ZNF398: variants seen among roughly 807,000 people sequenced by gnomAD.
ZNF398 encodes zinc finger DNA binding protein ZER6.
ZNF398 carries 18 observed loss-of-function variants against 41.9 expected under a neutral mutation model. That is an observed-to-expected ratio of 0.43 (90% CI 0.30 to 0.64). The LOEUF is 0.64. Ranked by LOEUF, ZNF398 falls within the 30% of genes least tolerant of loss-of-function variation. The probability of loss-of-function intolerance (pLI) is 0.14; values close to 1 mark genes in which losing one functional copy is unlikely to be tolerated. For missense variants in ZNF398, 669 were observed against 822.8 expected, an observed-to-expected ratio of 0.81 and a Z score of 2.29; for synonymous variants, 260 against 308.8, an observed-to-expected ratio of 0.84 and a Z score of 1.66.
At chr7:149,163,562 C>T (rs545382039) in intron 2 of ZNF398, among the ~76,000 whole-genome samples, 5 of 151,954 alleles carry the variant, frequency 3.3e-5, no homozygotes, top group African/African-American at 7.3e-5. Flanking sequence ...TTAGTAGAGA[C>T]GGGGTTTCTC....
chr7:149,145,348 T>A (rs1404328974), upstream of ZNF398, among the ~76,000 whole-genome samples: 1 of 152,146 alleles, frequency 6.6e-6, no homozygotes, highest in Admixed American at 6.5e-5. Context: ...AGAAATATAG[T>A]TATAATTAAG....
chr7:149,179,133 A>T lies in ZNF398; in HGVS notation c.1261A>T (p.Asn421Tyr). ...ACTTACCTACCATCTTCGGGTCCAT[A>T]ACAGCACTGAGCGTCCTTTCCCCTG... ...SRLTYHLRVH[N>Y]STERPFPCPD... is the part of the protein sequence containing the mutation. The change falls in exon 6 of 6, where the codon AAC becomes TAC. Residue 421 changes from asparagine to tyrosine, a missense_variant. Asn to Tyr is a moderately radical substitution (Grantham distance 143). Around this residue, in one of 3 missense-constraint regions of ZNF398, gnomAD observed 290 missense variants for 292.9 expected, o/e 0.99. Coordinates refer to ENST00000475153, the MANE Select transcript of ZNF398 (RefSeq NM_170686.3). This position sits in a 1 kb window ranked among gnomAD's most constrained non-coding sequence, Gnocchi z 6.1. 2 of 1,613,936 alleles carry T rather than the reference A, an allele frequency of 1.2e-6. No homozygotes were observed. The highest frequency in any genetic ancestry group is 1.7e-6 in the Non-Finnish European group (2 of 1,180,000).
rs1349158297 is a variant in ZNF398 at position 149,179,068 on chromosome 7, C to T, written c.1196C>T (p.Thr399Ile). Reference protein sequence around the residue: ...SQDHASETPPTCPHCARTFTH... With the variant: ...SQDHASETPPICPHCARTFTH... The stretch of plus-strand genomic sequence containing the variant: ...GACCATGCCAGCGAGACACCCCCCA[C>T]CTGCCCACACTGTGCCAGGACTTTT... The change falls in exon 6 of 6, where the codon ACC becomes ATC. Residue 399 changes from threonine (T) to isoleucine (I), a missense_variant. Thr to Ile is a moderately conservative substitution (Grantham distance 89, BLOSUM62 -1). Coordinates refer to ENST00000475153, the MANE Select transcript of ZNF398 (RefSeq NM_170686.3). This position sits in a 1 kb window ranked among gnomAD's most constrained non-coding sequence, Gnocchi z 6.1. The T allele has an allele frequency of 1.9e-6, 3 of 1,613,974 alleles. No individual in the cohort carries two copies. Among genetic ancestry groups the T allele is most frequent in the East Asian group, 2.2e-5 (1 of 44,884 alleles).
chr7:149,147,906 G>T lies in ZNF398; in HGVS notation c.24+140G>T. 6.4e-6 allele frequency: 7 copies of T among 1,086,306 alleles called. No homozygotes were observed. The highest frequency in any genetic ancestry group is 8.3e-6 in the Non-Finnish European group (7 of 841,550). The allele number at this position is 1,086,306 out of a possible 1,614,324, so 67.3% of individuals were successfully genotyped here. On this transcript the variant is annotated intron_variant, in intron 1 of 5. Coordinates refer to ENST00000475153, the MANE Select transcript of ZNF398 (RefSeq NM_170686.3). The surrounding 1 kb of genome is among the most constrained non-coding windows in gnomAD (Gnocchi z 5.6). ...ACGTCGCCTGTCGCCCGTGCTTGGC[G>T]GCTGCAGCCTCGCGTGAGGGGACTT...
In ZNF398 at chr7:149,179,459, C is replaced by T. The variant is rs1025223473; in HGVS notation, c.1587C>T (p.His529=). 1.9e-6 allele frequency: 3 copies of T among 1,614,164 alleles called. No individual in the cohort carries two copies. The highest frequency in any genetic ancestry group is 2.5e-6 in the Non-Finnish European group (3 of 1,180,048). ...SFMRKEHLLN[H]RRLHTGERPF... Reference sequence around the variant, plus strand: ...TGCGCAAGGAGCACCTGCTGAACCACCGGCGGCTGCACACAGGCGAGCGGC... The same window carrying T: ...TGCGCAAGGAGCACCTGCTGAACCATCGGCGGCTGCACACAGGCGAGCGGC... Residue 529 remains histidine (H), a synonymous_variant, in exon 6 of 6, where the codon CAC becomes CAT. Transcript: ENST00000475153. This position sits in a 1 kb window ranked among gnomAD's most constrained non-coding sequence, Gnocchi z 6.1.
chr7:149,167,141 A>C (rs12532104), intron 4 of ZNF398, among the ~76,000 whole-genome samples: 81,965 of 152,114 alleles, frequency 0.54, 25,616 homozygotes, highest in East Asian at 0.9. Context: ...CCTAACAGTT[A>C]CAAGTTGCAT....
Position 149,141,447 on chromosome 7 carries a change from C to CTTTTTTTTT in ZNF398, c.-489-12490_-489-12489insTTTTTTTTT, listed in dbSNP as rs35331670. 5.0e-4 allele frequency among the ~76,000 whole-genome samples: 58 copies of CTTTTTTTTT among 116,852 alleles called. 9 individuals carry two copies. The highest frequency in any genetic ancestry group is 5.9e-3 in the Middle Eastern group (1 of 170). 76.7% of individuals were successfully genotyped at this position (116,852 alleles called of 152,430 possible). On this transcript the variant is annotated intron_variant, in intron 2 of 6. Coordinates refer to the ZNF398 transcript ENST00000426851. The stretch of plus-strand genomic sequence containing the variant: ...AGTAGCTAGGATTACAGCTACTTTT[C>CTTTTTTTTT]TTTTTTTTCTTTTTTTTTTTTTTTT...
At chr7:149,169,512 C>T (rs1310086128) in intron 4 of ZNF398, among the ~76,000 whole-genome samples, 1 of 152,140 alleles carries the variant, frequency 6.6e-6, no homozygotes, top group Non-Finnish European at 1.5e-5. Flanking sequence ...AGTGCAGTGC[C>T]ATGATCTGAG....
rs143502668 is a variant in ZNF398, at chr7:149,153,945, A to G, written c.25A>G (p.Thr9Ala). Residue 9 changes from threonine to alanine, a missense_variant and splice_region_variant, in exon 2 of 6, where the codon ACA (threonine) becomes GCA (alanine). By Grantham distance (58) the Thr-to-Ala change is moderately conservative. This residue lies in a region of ZNF398 where 169 missense variants were observed against 239.5 expected (regional missense o/e 0.71). Transcript: ENST00000475153. ...TGTTCCATCTTTCCACTGCATGCAG[A>G]CATCTGAATGGGACTCCGAGTGCCT... MAEAAPAPTSEWDSECLTS... is the reference protein window; with the variant it reads MAEAAPAPASEWDSECLTS... The G allele has an allele frequency of 3.4e-5, 55 of 1,604,202 alleles. No homozygotes were observed. In the African/African-American group the frequency reaches 6.0e-4, roughly 18 times the overall value.
chr7:149,140,027 T>A lies in ZNF398; in HGVS notation c.-490+11083T>A, dbSNP rs886789714. 8.2e-4 allele frequency among the ~76,000 whole-genome samples: 125 copies of A among 152,004 alleles called. 1 individual carries two copies. Among genetic ancestry groups the A allele is most frequent in the African/African-American group, 2.9e-3 (122 of 41,514 alleles). On this transcript the variant is annotated intron_variant, in intron 2 of 6. Coordinates refer to the ZNF398 transcript ENST00000426851. ...AAAAAATAATAAAATAAAATAAAAA[T>A]TTAAAAATAATAAAAGTAAAATCTG...
In ZNF398 at chr7:149,132,746, T is replaced by C. The variant is rs556471724; in HGVS notation, c.-490+3802T>C. On this transcript the variant is annotated intron_variant, in intron 2 of 6. Coordinates refer to the ZNF398 transcript ENST00000426851. ...TGTTGTGTGCTCCCTACTGCACAAG[T>C]GGTTGGAAAGAAAAACAGAAGATGG... is the stretch of plus-strand genomic sequence containing the variant. Among the ~76,000 whole-genome samples, 4 of 152,006 alleles carry C rather than the reference T, an allele frequency of 2.6e-5. No individual in the cohort carries two copies. In the South Asian group the frequency reaches 8.3e-4, roughly 32 times the overall value.
Position 149,155,506 on chromosome 7 carries a change from G to C in ZNF398, c.420+1166G>C, listed in dbSNP as rs146010522. Among the ~76,000 whole-genome samples, 426 of 152,008 alleles carry C rather than the reference G, an allele frequency of 2.8e-3. 1 individual carries two copies. The highest frequency in any genetic ancestry group is 0.01 in the African/African-American group (418 of 41,474). On this transcript the variant is annotated intron_variant, in intron 2 of 5. Transcript: ENST00000475153. ...CCAGATTCTGACCTAATAGGTCCAG[G>C]ATGGAGCTTAAGCATGAATAATTTT...
chr7:149,126,419 G>C (rs981115249), exon 1 of ZNF398: 2 of 979,384 alleles, frequency 2.0e-6, no homozygotes, highest in Admixed American at 3.4e-5. Flanking sequence ...GAGGGAGTCG[G>C]TCCTCAGAGG....
chr7:149,134,563 A>T (rs1168000997), intron 2 of ZNF398, among the ~76,000 whole-genome samples: 3 of 152,112 alleles, frequency 2.0e-5, no homozygotes, highest in African/African-American at 7.2e-5. Flanking sequence ...TTATATTCTT[A>T]ATGATCTCTC....
At chr7:149,149,225 A>T (rs1827048675) in intron 1 of ZNF398, among the ~76,000 whole-genome samples, 1 of 152,020 alleles carries the variant, frequency 6.6e-6, no homozygotes, top group South Asian at 2.1e-4. Flanking sequence ...TCAACATGTC[A>T]TCAATTTATT....
intron 4 of ZNF398, among the ~76,000 whole-genome samples, chr7:149,173,960 A>G (rs1795409533): frequency 6.6e-6 from 1 of 151,612 alleles, no homozygotes; most frequent in African/African-American, 2.4e-5. Context: ...ACGCCCAGCT[A>G]ATTTTGTATT....
At chr7:149,150,163 A>C (rs1444194119) in intron 1 of ZNF398, among the ~76,000 whole-genome samples, 1 of 152,206 alleles carries the variant, frequency 6.6e-6, no homozygotes, top group Non-Finnish European at 1.5e-5. Flanking sequence ...TGAAGCAAGG[A>C]GTATGAAGAG....
At chr7:149,175,203 G>A (rs1032577055) in intron 4 of ZNF398, among the ~76,000 whole-genome samples, 1 of 152,136 alleles carries the variant, frequency 6.6e-6, no homozygotes, top group African/African-American at 2.4e-5. Flanking sequence ...GGGTAAAGTA[G>A]TCAGTTCTGT....
chr7:149,172,878 C>T lies in ZNF398; in HGVS notation c.662-3590C>T, dbSNP rs371057005. On this transcript the variant is annotated intron_variant, in intron 4 of 5. Transcript: ENST00000475153. Reference sequence around the variant, plus strand: ...CCAGTGCATGTGAAAGTTAAGTTTACACTATGCTATACAGTCTATTAAGTT... The same window carrying T: ...CCAGTGCATGTGAAAGTTAAGTTTATACTATGCTATACAGTCTATTAAGTT... 2.5e-4 allele frequency among the ~76,000 whole-genome samples: 38 copies of T among 152,238 alleles called. No individual in the cohort carries two copies. In the East Asian group the frequency reaches 5.6e-3, roughly 22 times the overall value.
Sources: allele counts gnomAD v4.1 joint callset (sites outside exome capture counted in the v4.1 genomes callset), GRCh38; gene constraint gnomAD v4.1.1; regional missense constraint gnomAD v4.1.1; non-coding constraint Gnocchi (gnomAD v3.1); transcripts MANE v1.5; gene names NCBI Gene and HGNC (gene_info 2026-07-23, HGNC 2026-07-21).